GYS2: variants seen among roughly 807,000 people sequenced by gnomAD.
GYS2 encodes the protein glycogen synthase 2, also known as glycogen [starch] synthase, liver.
A neutral mutation model predicts 85.6 loss-of-function variants in GYS2; 80 were observed. That is an observed-to-expected ratio of 0.93 (90% CI 0.78 to 1.13). GYS2 has a LOEUF of 1.13. GYS2 is among the 50% of genes most tolerant of loss of function. The pLI is 0.00. For synonymous variants in GYS2, 328 were observed against 300.7 expected, an observed-to-expected ratio of 1.09 and a Z score of -0.94; for missense variants, 881 against 854.9, an observed-to-expected ratio of 1.03 and a Z score of -0.38.
At chr12:21,573,239 C>T (rs553372660) in intron 4 of GYS2, among the ~76,000 whole-genome samples, 3 of 152,306 alleles carry the variant, frequency 2.0e-5, no homozygotes, top group East Asian at 1.9e-4. Context: ...GTATTACACA[C>T]ACATACACAT....
chr12:21,538,144 A>C (rs1943931718), intron 15 of GYS2, among the ~76,000 whole-genome samples: 3 of 152,304 alleles, frequency 2.0e-5, no homozygotes, highest in Middle Eastern at 6.8e-3. Flanking sequence ...ATTAAGTGGA[A>C]TGACCACCTC....
At chr12:21,584,051 T>C (rs997564272) in intron 1 of GYS2, among the ~76,000 whole-genome samples, 3 of 152,192 alleles carry the variant, frequency 2.0e-5, no homozygotes, top group African/African-American at 7.2e-5. Context: ...CTGCACGATA[T>C]GCAGGCACCA....
At chr12:21,570,554 G>T (rs1027391863) in intron 4 of GYS2, among the ~76,000 whole-genome samples, 2 of 152,226 alleles carry the variant, frequency 1.3e-5, no homozygotes, top group African/African-American at 4.8e-5. Flanking sequence ...TTGGTTGGAT[G>T]AATAAAATGG....
At chr12:21,569,159 A>G in intron 4 of GYS2, 150 bp from the exon 5 acceptor site, 1 of 725,436 alleles carries the variant, frequency 1.4e-6, no homozygotes, top group East Asian at 2.7e-5. Context: ...AATTAAACCC[A>G]TTACTACAAT....
Position 21,604,473 on chromosome 12 carries a change from T to C in GYS2, c.120A>G (p.Lys40=). 6.3e-7 allele frequency: 1 copy of C among 1,597,962 alleles called. No individual in the cohort carries two copies. The highest frequency in any genetic ancestry group is 8.6e-7 in the Non-Finnish European group (1 of 1,165,672). The change falls in exon 1 of 16, where the codon AAA becomes AAG. Residue 40 remains lysine, a splice_region_variant and synonymous_variant. Coordinates refer to ENST00000261195, the MANE Select transcript of GYS2 (RefSeq NM_021957.4). ...LFEVAWEVTN[K]VGGIYTVIQT... The stretch of plus-strand genomic sequence containing the variant: ...TCCACCTTCAGGAGCAGTACAAACC[T>C]TTATTGGTCACTTCCCAAGCAACTT...
At chr12:21,554,132 G>A (rs1038740573) in intron 11 of GYS2, among the ~76,000 whole-genome samples, 5 of 151,882 alleles carry the variant, frequency 3.3e-5, no homozygotes, top group Non-Finnish European at 5.9e-5. Flanking sequence ...TGGAAGGAAG[G>A]AAGGAAGCGA....
chr12:21,599,438 G>A (rs1271390360), intron 1 of GYS2, among the ~76,000 whole-genome samples: 2 of 152,150 alleles, frequency 1.3e-5, no homozygotes, highest in African/African-American at 4.8e-5. Context: ...GCAGTGGGAG[G>A]TGATACTCAC....
chr12:21,584,541 C>G (rs1212782980), intron 1 of GYS2, among the ~76,000 whole-genome samples: 1 of 152,176 alleles, frequency 6.6e-6, no homozygotes, highest in Non-Finnish European at 1.5e-5. Context: ...TATGCTTGGG[C>G]TCAGCAACAT....
downstream of GYS2, among the ~76,000 whole-genome samples, chr12:21,534,273 G>A (rs1181556576): frequency 6.6e-6 from 1 of 152,160 alleles, no homozygotes. Context: ...CACTTTGGGA[G>A]GCCAAGGTGG....
chr12:21,542,468 A>C (rs1265364588), intron 13 of GYS2, 28 bp downstream of exon 13: 1 of 1,427,010 alleles, frequency 7.0e-7, no homozygotes, highest in African/African-American at 1.4e-5. Flanking sequence ...ATGTCTCCCC[A>C]GCATGGGTTA....
At chr12:21,548,562 TAGC>T (rs1944069341) in intron 11 of GYS2, among the ~76,000 whole-genome samples, 1 of 152,192 alleles carries the variant, frequency 6.6e-6, no homozygotes, top group Non-Finnish European at 1.5e-5. Context: ...ATTTTAGCAA[TAGC>T]TGTATTTAAA....
At position 21,587,503 on chromosome 12, in the gene GYS2, C is replaced by T. The variant is rs1226458729; in HGVS notation, c.122-6980G>A. 1.3e-5 allele frequency among the ~76,000 whole-genome samples: 2 copies of T among 152,058 alleles called. 1 individual carries two copies. The highest frequency in any genetic ancestry group is 1.3e-4 in the Admixed American group (2 of 15,260). On this transcript the variant is annotated intron_variant, in intron 1 of 15. Coordinates refer to ENST00000261195, the MANE Select transcript of GYS2 (RefSeq NM_021957.4). ...TCTGATGGTTTTATAAGCGGCTTTT[C>T]CCCCTTTTGCTTGGCACTTCTACTT...
At chr12:21,560,347 C>T (rs748172373) in intron 8 of GYS2, 39 bp downstream of exon 8, 3 of 1,088,678 alleles carry the variant, frequency 2.8e-6, no homozygotes, top group East Asian at 2.4e-5. Context: ...AATCTTTTCA[C>T]ATTTATTGCT....
Position 21,558,238 on chromosome 12 carries a change from G to A in GYS2, c.1384C>T (p.Arg462Trp). Residue 462 changes from arginine to tryptophan, a missense_variant, in exon 11 of 16, where the codon CGG becomes TGG. Coordinates refer to ENST00000261195, the MANE Select transcript of GYS2 (RefSeq NM_021957.4). ...GTGCGGTTGTTGAAAAGTCCAATCCGTCTAATGGTGCTGAGGATGGGGTCG... is the reference window on the plus strand; with the variant it reads ...GTGCGGTTGTTGAAAAGTCCAATCCATCTAATGGTGCTGAGGATGGGGTCG... ...STDPILSTIR[R>W]IGLFNNRTDR... is the part of the protein sequence containing the mutation. The A allele has an allele frequency of 1.2e-6, 2 of 1,613,538 alleles. No homozygotes were observed. Among genetic ancestry groups the A allele is most frequent in the Non-Finnish European group, 8.5e-7 (1 of 1,179,486 alleles).
chr12:21,600,555 C>T (rs1944744740), intron 1 of GYS2, among the ~76,000 whole-genome samples: 1 of 152,018 alleles, frequency 6.6e-6, no homozygotes, highest in South Asian at 2.1e-4. Context: ...TAGAGAAAAG[C>T]CATTTGGAAA....
At chr12:21,546,216 A>G in intron 12 of GYS2, 128 bp downstream of exon 12, 1 of 683,912 alleles carries the variant, frequency 1.5e-6, no homozygotes, top group South Asian at 2.3e-5. Context: ...TCCAACCAAA[A>G]TTTTTTAAAA....
In GYS2 at chr12:21,570,807, A is replaced by ACTTT. The variant is rs766369968; in HGVS notation, c.679-1799_679-1798insAAAG. 1.4e-4 allele frequency among the ~76,000 whole-genome samples: 21 copies of ACTTT among 152,226 alleles called. 1 individual carries two copies. Among genetic ancestry groups the ACTTT allele is most frequent in the Admixed American group, 3.9e-4 (6 of 15,286 alleles). ...TTTTGCCTTTGTCCTGTAAACAAGA[A>ACTTT]AAGCCACTCTGAAAGTGTTTATTTA... On this transcript the variant is annotated intron_variant, in intron 4 of 15. Coordinates refer to ENST00000261195, the MANE Select transcript of GYS2 (RefSeq NM_021957.4).
chr12:21,567,602 C>A lies in GYS2; in HGVS notation c.823+1263G>T, dbSNP rs1240522707. On this transcript the variant is annotated intron_variant, in intron 5 of 15. Coordinates refer to ENST00000261195, the MANE Select transcript of GYS2 (RefSeq NM_021957.4). The stretch of plus-strand genomic sequence containing the variant: ...CACATTCTGCTATCTGAAAGAAGGA[C>A]AACTAGAGACAAGACCACAGAAATT... 3.4e-5 allele frequency among the ~76,000 whole-genome samples: 5 copies of A among 149,056 alleles called. No homozygotes were observed. The Admixed American group carries it at 3.4e-4, about 10-fold the overall frequency.
intron 3 of GYS2, 107 bp from the exon 4 acceptor site, chr12:21,574,433 C>A: frequency 2.4e-6 from 2 of 830,600 alleles, no homozygotes; most frequent in South Asian, 1.5e-5. Context: ...TATTTTGCAA[C>A]TTAAAGGAGT....
Sources: gnomAD v4.1 joint callset for allele counts (sites outside exome capture counted in the v4.1 genomes callset) on GRCh38, gnomAD v4.1.1 for gene constraint, MANE v1.5 for transcripts, NCBI Gene and HGNC (gene_info 2026-07-23, HGNC 2026-07-21) for gene names.